The following LEMD3 variants were observed in gnomAD, a reference collection of about 807,000 sequenced individuals.
The protein encoded by LEMD3 is LEM domain containing 3.
A neutral mutation model predicts 95.2 loss-of-function variants in LEMD3; 33 were observed. That is an observed-to-expected ratio of 0.35 (90% CI 0.26 to 0.46). The LOEUF (loss-of-function observed/expected upper bound fraction) is 0.46, where lower values mean the gene tolerates loss of function less well. Among genes scored for constraint, LEMD3 ranks in the 20% least tolerant of loss-of-function variants. The pLI is 1.00. For synonymous variants in LEMD3, 525 were observed against 474.6 expected (o/e 1.11, Z -1.38); for missense variants, 1,210 against 1,192.8 (o/e 1.01, Z -0.21).
At chr12:65,219,957 C>T (rs1462571601) in intron 4 of LEMD3, among the ~76,000 whole-genome samples, 1 of 152,068 alleles carries the variant, frequency 6.6e-6, no homozygotes, top group Non-Finnish European at 1.5e-5. Context: ...TGTTGATGGG[C>T]TTTTAGATTG....
At chr12:65,235,862 A>G (rs1870757684) in intron 4 of LEMD3, among the ~76,000 whole-genome samples, 1 of 152,160 alleles carries the variant, frequency 6.6e-6, no homozygotes, top group South Asian at 2.1e-4. Flanking sequence ...GATCTCATAT[A>G]TAAACCTTTT....
intron 4 of LEMD3, 73 bp downstream of exon 4, chr12:65,218,692 CAT>C: frequency 1.2e-6 from 1 of 835,202 alleles, no homozygotes. Context: ...TTGTAAGAAT[CAT>C]ATGTTTGATT....
intron 4 of LEMD3, among the ~76,000 whole-genome samples, chr12:65,227,810 G>A (rs1482644227): frequency 6.6e-6 from 1 of 150,638 alleles, no homozygotes; most frequent in Admixed American, 6.6e-5. Flanking sequence ...TCTTCCAGTG[G>A]GGCCAAGGGA....
chr12:65,240,094 T>C, intron 7 of LEMD3, 42 bp from the exon 8 acceptor site: 1 of 1,529,932 alleles, frequency 6.5e-7, no homozygotes, highest in Middle Eastern at 1.7e-4. Flanking sequence ...AACTACATTA[T>C]GTCAAGTGAT....
chr12:65,171,202 G>A (rs754270566), intron 1 of LEMD3, 84 bp downstream of exon 1: 45 of 1,590,352 alleles, frequency 2.8e-5, no homozygotes, highest in Admixed American at 1.0e-4. Flanking sequence ...TTTACATGAA[G>A]TGACTTACCT....
intron 1 of LEMD3, among the ~76,000 whole-genome samples, chr12:65,197,708 T>C (rs764339555): frequency 5.9e-5 from 9 of 152,118 alleles, no homozygotes; most frequent in Admixed American, 3.3e-4. Context: ...CGGGAACTTC[T>C]TTAAATTCAG....
intron 4 of LEMD3, among the ~76,000 whole-genome samples, chr12:65,225,973 A>G (rs1870437244): frequency 6.6e-6 from 1 of 152,208 alleles, no homozygotes; most frequent in African/African-American, 2.4e-5. Context: ...CCAGCGAGGC[A>G]ACACTCCTTG....
intron 10 of LEMD3, among the ~76,000 whole-genome samples, chr12:65,245,096 G>T (rs1213015810): frequency 2.0e-5 from 3 of 151,756 alleles, no homozygotes; most frequent in African/African-American, 7.3e-5. Context: ...TTCTGCAGCG[G>T]TGGGCTAGTC....
chr12:65,231,590 C>T (rs1444178057), intron 4 of LEMD3, among the ~76,000 whole-genome samples: 1 of 151,972 alleles, frequency 6.6e-6, no homozygotes, highest in East Asian at 1.9e-4. Flanking sequence ...GTCCCAGCTC[C>T]TCGGGAGGCT....
intron 8 of LEMD3, chr12:65,240,639 A>G (rs1870906381): frequency 2.1e-6 from 1 of 465,344 alleles, no homozygotes; most frequent in South Asian, 3.1e-5. Flanking sequence ...AATAAAAGAT[A>G]ATTCCATATC....
At chr12:65,211,210 T>G (rs917586384) in intron 2 of LEMD3, among the ~76,000 whole-genome samples, 1 of 152,224 alleles carries the variant, frequency 6.6e-6, no homozygotes, top group Non-Finnish European at 1.5e-5. Context: ...AGAGCTGAAC[T>G]GTTTATCACT....
chr12:65,179,619 C>A (rs1317184775), intron 1 of LEMD3, among the ~76,000 whole-genome samples: 1 of 152,000 alleles, frequency 6.6e-6, no homozygotes, highest in Non-Finnish European at 1.5e-5. Flanking sequence ...AAGATATATT[C>A]TAGGGGTGGG....
intron 1 of LEMD3, among the ~76,000 whole-genome samples, chr12:65,193,776 T>TGTGTGTGTGTGTGTGTG (rs1869322997): frequency 8.6e-5 from 4 of 46,768 alleles, no homozygotes; most frequent in African/African-American, 3.5e-4. Flanking sequence ...GTGTGTGTGT[T>TGTGTGTGTGTGTGTGTG]GGGGGAGGGG....
Position 65,236,813 on chromosome 12 carries a change from A to G in LEMD3, c.1696-1689A>G, listed in dbSNP as rs115825441. Among the ~76,000 whole-genome samples the G allele has an allele frequency of 6.4e-3, 973 of 152,212 alleles. 11 individuals are homozygous for G. The highest frequency in any genetic ancestry group is 0.021 in the African/African-American group (887 of 41,536). On this transcript the variant is annotated intron_variant, in intron 4 of 12. Transcript: ENST00000308330. The stretch of plus-strand genomic sequence containing the variant: ...CATACAATGGAATACTATTTTGTTG[A>G]AAAAAATAGGGTTTTTTCCATGTAA...
At chr12:65,223,062 T>C (rs942183385) in intron 4 of LEMD3, among the ~76,000 whole-genome samples, 12 of 152,160 alleles carry the variant, frequency 7.9e-5, no homozygotes, top group Non-Finnish European at 1.5e-4. Flanking sequence ...ACATATGATC[T>C]GATTTGGAGA....
intron 10 of LEMD3, among the ~76,000 whole-genome samples, chr12:65,244,545 A>T (rs1871038006): frequency 6.6e-6 from 1 of 152,182 alleles, no homozygotes; most frequent in Admixed American, 6.5e-5. Flanking sequence ...TAGTAAGGTG[A>T]CTGTACAAAA....
rs543122771 is a variant in LEMD3, at chr12:65,222,113, T to TG, written c.1695+3495dup. Among the ~76,000 whole-genome samples the TG allele has an allele frequency of 1.2e-4, 19 of 152,302 alleles. No homozygotes were observed. The South Asian group carries it at 3.9e-3, about 32-fold the overall frequency. On this transcript the variant is annotated intron_variant, in intron 4 of 12. Coordinates refer to ENST00000308330, the MANE Select transcript of LEMD3 (RefSeq NM_014319.5). The stretch of plus-strand genomic sequence containing the variant: ...GGGTTTCCATGTATGGCCTTTAATA[T>TG]GTTGAGATAATTTCCTTCTATTCCT...
chr12:65,217,168 G>A (rs1870135885), intron 3 of LEMD3, among the ~76,000 whole-genome samples: 1 of 152,062 alleles, frequency 6.6e-6, no homozygotes, highest in Non-Finnish European at 1.5e-5. Context: ...CTTTTTTTCT[G>A]TGAAGGGTCA....
chr12:65,192,230 T>C (rs1015383468), intron 1 of LEMD3, among the ~76,000 whole-genome samples: 1 of 152,186 alleles, frequency 6.6e-6, no homozygotes, highest in Admixed American at 6.6e-5. Context: ...ACTTTTGATA[T>C]TAAGGGTCAT....
Sources: gnomAD v4.1 joint callset for allele counts (sites outside exome capture counted in the v4.1 genomes callset) on GRCh38, gnomAD v4.1.1 for gene constraint, MANE v1.5 for transcripts, NCBI Gene and HGNC (gene_info 2026-07-23, HGNC 2026-07-21) for gene names.